Variants in SLC36A1 observed in about 807,000 individuals in gnomAD.
SLC36A1 encodes proton-coupled amino acid transporter 1.
Under a neutral mutation model 47.5 loss-of-function variants are expected in SLC36A1, and 30 were observed. The observed-to-expected ratio is 0.63, with a 90% CI of 0.47 to 0.86. SLC36A1 has a LOEUF of 0.86. Ranked by LOEUF, SLC36A1 falls within the 40% of genes least tolerant of loss-of-function variation. The pLI, the probability that SLC36A1 is intolerant of heterozygous loss-of-function variation, is 0.00. For synonymous variants in SLC36A1, 255 were observed against 249.7 expected, an observed-to-expected ratio of 1.02 and a Z score of -0.20; for missense variants, 517 against 606.0, an observed-to-expected ratio of 0.85 and a Z score of 1.54.
At chr5:151,351,411 C>T in the SLC36A1 span, among the ~76,000 whole-genome samples, 1 of 151,938 alleles carries the variant, frequency 6.6e-6, no homozygotes, top group African/African-American at 2.4e-5. Flanking sequence ...TTCCTGAGAA[C>T]CCCTAAGTGG....
chr5:151,448,125 A>G (rs1753097893), intron 1 of SLC36A1, among the ~76,000 whole-genome samples: 2 of 152,208 alleles, frequency 1.3e-5, no homozygotes. Flanking sequence ...AGACAGGCTC[A>G]TAATGGGTCT....
chr5:151,527,057 A>G, the SLC36A1 span, among the ~76,000 whole-genome samples: 1 of 152,248 alleles, frequency 6.6e-6, no homozygotes, highest in African/African-American at 2.4e-5. Flanking sequence ...TGCCTAACAC[A>G]GTGCCTGATT....
the SLC36A1 span, chr5:151,537,697 A>C: frequency 2.4e-6 from 3 of 1,254,886 alleles, no homozygotes; most frequent in Non-Finnish European, 3.3e-6. Context: ...AGATGAGTGA[A>C]TTCCTGTTTC....
the SLC36A1 span, chr5:151,531,556 T>A: frequency 2.0e-5 from 32 of 1,610,552 alleles, no homozygotes; most frequent in Non-Finnish European, 2.6e-5. The surrounding 1 kb of genome is among the most constrained non-coding windows in gnomAD (Gnocchi z 5.7). Flanking sequence ...CTGTACGCGA[T>A]GCTTTGGGGC....
chr5:151,504,978 CCTGA>C, the SLC36A1 span: 1 of 154,134 alleles, frequency 6.5e-6, no homozygotes, highest in Non-Finnish European at 1.4e-5. Flanking sequence ...AAGCACAGTG[CCTGA>C]CGTGGAGCAG....
chr5:151,550,369 G>A, the SLC36A1 span, among the ~76,000 whole-genome samples: 1 of 152,316 alleles, frequency 6.6e-6, no homozygotes, highest in Non-Finnish European at 1.5e-5. Context: ...TCCAGAGAAA[G>A]CTGAGGTTGA....
At chr5:151,396,284 G>A in the SLC36A1 span, among the ~76,000 whole-genome samples, 1 of 150,742 alleles carries the variant, frequency 6.6e-6, no homozygotes, top group East Asian at 2.0e-4. Flanking sequence ...GACTAATTTA[G>A]TAGAGATGGG....
the SLC36A1 span, among the ~76,000 whole-genome samples, chr5:151,503,841 A>G: frequency 6.6e-6 from 1 of 152,132 alleles, no homozygotes; most frequent in Non-Finnish European, 1.5e-5. Flanking sequence ...AGCCCCATCT[A>G]AATGGAGGGG....
At chr5:151,408,585 A>C in the SLC36A1 span, among the ~76,000 whole-genome samples, 4 of 152,364 alleles carry the variant, frequency 2.6e-5, no homozygotes, top group South Asian at 8.3e-4. Context: ...CATACTACAA[A>C]TACGTAATTA....
chr5:151,421,251 T>C, the SLC36A1 span, among the ~76,000 whole-genome samples: 1 of 149,472 alleles, frequency 6.7e-6, no homozygotes, highest in Admixed American at 6.7e-5. Flanking sequence ...TTCTCTTTCT[T>C]CTTTTTTTTT....
At chr5:151,367,374 T>TTTTTTTTTTTTTTTTTTC in the SLC36A1 span, among the ~76,000 whole-genome samples, 196 of 145,496 alleles carry the variant, frequency 1.3e-3, 2 homozygotes, top group Non-Finnish European at 2.4e-3. Flanking sequence ...TTTTTTTTTT[T>TTTTTTTTTTTTTTTTTTC]CCCCAGGGTA....
upstream of SLC36A1, among the ~76,000 whole-genome samples, chr5:151,445,284 G>A (rs1752853779): frequency 6.6e-6 from 1 of 152,108 alleles, no homozygotes. Flanking sequence ...GTATTATATT[G>A]CTTGATTAGT....
the SLC36A1 span, among the ~76,000 whole-genome samples, chr5:151,373,949 G>A: frequency 6.6e-6 from 1 of 152,172 alleles, no homozygotes; most frequent in Non-Finnish European, 1.5e-5. Context: ...TTAAAGCAGA[G>A]ACAAGCAAAC....
At chr5:151,542,501 C>G in the SLC36A1 span, 1 of 1,614,042 alleles carries the variant, frequency 6.2e-7, no homozygotes, top group Non-Finnish European at 8.5e-7. Context: ...TCATAGGCCA[C>G]CACATGAAAA....
chr5:151,408,946 C>T, the SLC36A1 span, among the ~76,000 whole-genome samples: 6 of 151,448 alleles, frequency 4.0e-5, no homozygotes, highest in Non-Finnish European at 7.4e-5. Context: ...TGAATGACTT[C>T]CTGGAGTGAA....
the SLC36A1 span, among the ~76,000 whole-genome samples, chr5:151,385,819 A>T: frequency 6.6e-6 from 1 of 152,014 alleles, no homozygotes; most frequent in East Asian, 1.9e-4. Context: ...TTTATGGGTC[A>T]TTGTTCAGGT....
At chr5:151,494,710 T>G (rs1229002244), downstream of SLC36A1, among the ~76,000 whole-genome samples, 5 of 152,272 alleles carry the variant, frequency 3.3e-5, no homozygotes, top group Non-Finnish European at 7.3e-5. Flanking sequence ...TAGTTGATAG[T>G]CTTTGAGGTT....
downstream of SLC36A1, among the ~76,000 whole-genome samples, chr5:151,495,175 T>C (rs1008229585): frequency 6.6e-6 from 1 of 152,236 alleles, no homozygotes; most frequent in African/African-American, 2.4e-5. Context: ...TTTTAGCCCT[T>C]CTAATAGGTG....
chr5:151,460,377 C>G (rs1755336249), intron 2 of SLC36A1, among the ~76,000 whole-genome samples: 1 of 152,212 alleles, frequency 6.6e-6, no homozygotes, highest in Admixed American at 6.5e-5. Context: ...TACCAACTAG[C>G]AACTTTAGGA....
Sources: gnomAD v4.1 joint callset for allele counts (sites outside exome capture counted in the v4.1 genomes callset) on GRCh38, gnomAD v4.1.1 for gene constraint, Gnocchi (gnomAD v3.1) non-coding constraint, MANE v1.5 for transcripts, NCBI Gene and HGNC (gene_info 2026-07-23, HGNC 2026-07-21) for gene names.